Variants in ZHX2 observed in about 807,000 individuals in gnomAD.
The protein encoded by ZHX2 is zinc fingers and homeoboxes protein 2.
ZHX2 carries 6 observed loss-of-function variants against 21.9 expected under a neutral mutation model. That is an observed-to-expected ratio of 0.27 (90% CI 0.15 to 0.54). The LOEUF (loss-of-function observed/expected upper bound fraction) is 0.54. Ranked by LOEUF, ZHX2 falls within the 20% of genes least tolerant of loss-of-function variation. ZHX2 has a pLI of 0.95. For missense variants in ZHX2, 908 were observed against 1,090.7 expected (o/e 0.83, Z 2.36); for synonymous variants, 434 against 437.1 (o/e 0.99, Z 0.09).
intron 1 of ZHX2, among the ~76,000 whole-genome samples, chr8:122,790,923 G>GT (rs1221617571): frequency 2.0e-5 from 3 of 152,118 alleles, no homozygotes; most frequent in African/African-American, 7.2e-5. Context: ...TTGTGATTCT[G>GT]TTATCCCCAT....
intron 1 of ZHX2, among the ~76,000 whole-genome samples, chr8:122,825,486 C>T (rs530431773): frequency 1.1e-4 from 17 of 152,216 alleles, no homozygotes; most frequent in South Asian, 4.2e-4. Flanking sequence ...GATCTTAAAC[C>T]GCCTCCCTCC....
At chr8:122,917,872 A>G (rs868221132) in intron 2 of ZHX2, among the ~76,000 whole-genome samples, 9 of 152,206 alleles carry the variant, frequency 5.9e-5, no homozygotes, top group African/African-American at 1.9e-4. Context: ...CACAGCAGAC[A>G]TCACCAGTCA....
intron 2 of ZHX2, among the ~76,000 whole-genome samples, chr8:122,927,584 A>C (rs1164474253): frequency 6.6e-6 from 1 of 152,208 alleles, no homozygotes; most frequent in Non-Finnish European, 1.5e-5. Context: ...CCTCACAATC[A>C]TGGCGAAAGA....
In ZHX2 at chr8:122,817,187, A is replaced by G. The variant is rs956658451; in HGVS notation, c.-283+35241A>G. Among the ~76,000 whole-genome samples the G allele has an allele frequency of 3.3e-5, 5 of 152,232 alleles. No homozygotes were observed. The South Asian group carries it at 1.0e-3, about 32-fold the overall frequency. ...GCCTGGGCTAAAGAGAGGAACACGGATCCTGGGGAGTACTCACAGTGTTAG... is the reference window on the plus strand; with the variant it reads ...GCCTGGGCTAAAGAGAGGAACACGGGTCCTGGGGAGTACTCACAGTGTTAG... On this transcript the variant is annotated intron_variant, in intron 1 of 3. Transcript: ENST00000314393.
intron 1 of ZHX2, among the ~76,000 whole-genome samples, chr8:122,826,663 C>T (rs943826248): frequency 4.6e-5 from 7 of 152,110 alleles, no homozygotes; most frequent in South Asian, 2.1e-4. Flanking sequence ...TCACAGCGCA[C>T]GGCACTGCTC....
intron 2 of ZHX2, among the ~76,000 whole-genome samples, chr8:122,914,857 T>C (rs1196462839): frequency 6.6e-6 from 1 of 152,224 alleles, no homozygotes; most frequent in East Asian, 1.9e-4. Context: ...GTGGCATGTC[T>C]CACTCTTTAA....
chr8:122,951,729 A>G lies in ZHX2; in HGVS notation c.219A>G (p.Lys73=), dbSNP rs1299360563. The G allele has an allele frequency of 6.2e-7, 1 of 1,613,432 alleles. No individual in the cohort carries two copies. The highest frequency in any genetic ancestry group is 2.2e-5 in the East Asian group (1 of 44,836). The change falls in exon 3 of 4, where the codon AAA becomes AAG. Residue 73 remains lysine, a synonymous_variant. Coordinates refer to ENST00000314393, the MANE Select transcript of ZHX2 (RefSeq NM_014943.5). The part of the protein sequence containing the change: ...VKSMGESQSK[K]LQGGYECKYC... ...CTATGGGGGAAAGCCAGTCCAAAAA[A>G]CTCCAAGGTGGTTATGAGTGCAAAT...
At chr8:122,965,906 C>T (rs1025395542) in intron 3 of ZHX2, among the ~76,000 whole-genome samples, 5 of 152,012 alleles carry the variant, frequency 3.3e-5, no homozygotes, top group Non-Finnish European at 7.4e-5. Flanking sequence ...TATAATGTCC[C>T]TCTTTGTCTT....
chr8:122,880,794 G>T (rs5022659), intron 2 of ZHX2, among the ~76,000 whole-genome samples: 62,065 of 145,586 alleles, frequency 0.43, 13,787 homozygotes, highest in South Asian at 0.65. Context: ...AAAAAATAGA[G>T]AGAGTGAGAG....
At chr8:122,891,468 T>G (rs1819977305) in intron 2 of ZHX2, among the ~76,000 whole-genome samples, 1 of 152,156 alleles carries the variant, frequency 6.6e-6, no homozygotes, top group South Asian at 2.1e-4. Flanking sequence ...CTACTAATTT[T>G]GGGTTTGATT....
At chr8:122,856,515 A>G (rs1057036605) in intron 1 of ZHX2, among the ~76,000 whole-genome samples, 5 of 151,992 alleles carry the variant, frequency 3.3e-5, no homozygotes, top group Non-Finnish European at 7.4e-5. Context: ...GTTCACTCAT[A>G]TCTCTTCTGT....
intron 1 of ZHX2, among the ~76,000 whole-genome samples, chr8:122,860,041 G>T (rs748455867): frequency 2.0e-5 from 3 of 152,206 alleles, no homozygotes; most frequent in Non-Finnish European, 4.4e-5. Flanking sequence ...AAGGAAAGAG[G>T]TTTAATTGAC....
chr8:122,885,339 C>A (rs1439006761), intron 2 of ZHX2, among the ~76,000 whole-genome samples: 2 of 152,206 alleles, frequency 1.3e-5, no homozygotes, highest in African/African-American at 4.8e-5. Flanking sequence ...GAGGGACCAG[C>A]CAGAGGCCAG....
chr8:122,893,942 C>T (rs1820039147), intron 2 of ZHX2, among the ~76,000 whole-genome samples: 1 of 152,150 alleles, frequency 6.6e-6, no homozygotes, highest in African/African-American at 2.4e-5. Flanking sequence ...GGGACAGTTG[C>T]CTCTTCCAAT....
intron 2 of ZHX2, among the ~76,000 whole-genome samples, chr8:122,909,589 T>C (rs907294932): frequency 6.6e-6 from 1 of 151,712 alleles, no homozygotes; most frequent in Non-Finnish European, 1.5e-5. Context: ...GGACAGATAA[T>C]CCCCTCCTCC....
intron 2 of ZHX2, among the ~76,000 whole-genome samples, chr8:122,879,960 T>C (rs560422371): frequency 3.6e-4 from 54 of 148,770 alleles, no homozygotes; most frequent in African/African-American, 1.2e-3. Flanking sequence ...CTGAGAGAGG[T>C]TCTATTGTTA....
In ZHX2 at chr8:122,952,007, C is replaced by T. The variant is rs1187527332; in HGVS notation, c.497C>T (p.Thr166Ile). 1 of 1,613,788 alleles carries T rather than the reference C, an allele frequency of 6.2e-7. No individual in the cohort carries two copies. Among genetic ancestry groups the T allele is most frequent in the Non-Finnish European group, 8.5e-7 (1 of 1,180,002 alleles). The change falls in exon 3 of 4, where the codon ACC (threonine) becomes ATC (isoleucine). Residue 166 changes from threonine (T) to isoleucine (I), a missense_variant. Coordinates refer to ENST00000314393, the MANE Select transcript of ZHX2 (RefSeq NM_014943.5). This position sits in a 1 kb window ranked among gnomAD's most constrained non-coding sequence, Gnocchi z 6.9. ...ACCACCAACCATGTCGTGTCCATCA[C>T]CACCAGTGGCCCTGGAACTGGTGAC... Reference protein sequence around the residue: ...IETTNHVVSITTSGPGTGDSD... With the variant: ...IETTNHVVSIITSGPGTGDSD...
rs34830303 is a variant in ZHX2, at chr8:122,878,488, T to G, written c.-220+14949T>G. ...CCTCTACTGGGATGACAGGGGTGAGTTGACAAAGCTTCGCACATCATTCAT... is the reference window on the plus strand; with the variant it reads ...CCTCTACTGGGATGACAGGGGTGAGGTGACAAAGCTTCGCACATCATTCAT... On this transcript the variant is annotated intron_variant, in intron 2 of 3. Transcript: ENST00000314393. Among the ~76,000 whole-genome samples, 1,374 of 152,088 alleles carry G rather than the reference T, an allele frequency of 9.0e-3. 26 individuals are homozygous for G. Among genetic ancestry groups the G allele is most frequent in the African/African-American group, 0.031 (1,296 of 41,476 alleles).
chr8:122,870,638 C>CA (rs59071295), intron 2 of ZHX2, among the ~76,000 whole-genome samples: 1,854 of 63,860 alleles, frequency 0.029, 118 homozygotes, highest in African/African-American at 0.035. Context: ...GTCTCTGTCT[C>CA]AAAAAAAAAA....
Sources: gnomAD v4.1 joint callset for allele counts (sites outside exome capture counted in the v4.1 genomes callset) on GRCh38, gnomAD v4.1.1 for gene constraint, Gnocchi (gnomAD v3.1) non-coding constraint, MANE v1.5 for transcripts, NCBI Gene and HGNC (gene_info 2026-07-23, HGNC 2026-07-21) for gene names.